The following GMEB1 variants were observed in gnomAD, a reference collection of about 807,000 sequenced individuals.
The protein encoded by GMEB1 is glucocorticoid modulatory element-binding protein 1.
GMEB1 carries 6 observed loss-of-function variants against 52.4 expected under a neutral mutation model. The observed-to-expected ratio is 0.11, with a 90% CI of 0.06 to 0.23. The LOEUF (loss-of-function observed/expected upper bound fraction) is 0.23. Among genes scored for constraint, GMEB1 ranks in the 10% least tolerant of loss-of-function variants. GMEB1 has a pLI of 1.00. For synonymous variants in GMEB1, 255 were observed against 244.9 expected (o/e 1.04, Z -0.38); for missense variants, 486 against 685.6 (o/e 0.71, Z 3.25).
intron 1 of GMEB1, among the ~76,000 whole-genome samples, chr1:28,676,102 T>G (rs1669140844): frequency 6.6e-6 from 1 of 152,150 alleles, no homozygotes; most frequent in Non-Finnish European, 1.5e-5. Context: ...GGTACTAATG[T>G]ATGGTGTGGG....
chr1:28,690,905 GGGAGGT>G (rs1557507470), intron 3 of GMEB1, among the ~76,000 whole-genome samples: 1 of 151,800 alleles, frequency 6.6e-6, no homozygotes, highest in Non-Finnish European at 1.5e-5. Context: ...CCTTGAACCC[GGGAGGT>G]GGAGGTTGCA....
rs746106639 is a variant in GMEB1 at position 28,696,981 on chromosome 1, C to G, written c.495C>G (p.Ser165=). 3 of 1,610,376 alleles carry G rather than the reference C, an allele frequency of 1.9e-6. No homozygotes were observed. In the African/African-American group the frequency reaches 4.0e-5, roughly 22 times the overall value. The change falls in exon 6 of 10, where the codon TCC becomes TCG. Residue 165 remains serine, a synonymous_variant. Transcript: ENST00000373816. ...TTTACCAACATGACAAAGTTTGCTC[C>G]AATACCTGCAGAAGCACCAAATTTG... The part of the protein sequence containing the change: ...IDFYQHDKVC[S]NTCRSTKFDL...
rs1671273915 is a variant in GMEB1 at position 28,716,380 on chromosome 1, G to A, written c.*1607G>A. ...CTTTTTTGGTGGGGCCATTTTTTTGGCTTTGGAACCCAAAGCAGCCACTCA... is the reference window on the plus strand; with the variant it reads ...CTTTTTTGGTGGGGCCATTTTTTTGACTTTGGAACCCAAAGCAGCCACTCA... On this transcript the variant is annotated 3_prime_UTR_variant, in exon 10 of 10. Transcript: ENST00000373816. 1 of 152,100 alleles carries A rather than the reference G, an allele frequency of 6.6e-6. No individual in the cohort carries two copies. The highest frequency in any genetic ancestry group is 1.9e-4 in the East Asian group (1 of 5,174). The allele number at this position is 152,100 out of a possible 1,614,324, so 9.4% of individuals were successfully genotyped here.
chr1:28,714,467 G>T lies in GMEB1; in HGVS notation c.1386G>T (p.Ala462=), dbSNP rs139063921. The change falls in exon 10 of 10, where the codon GCG becomes GCT. Residue 462 remains alanine, a synonymous_variant. Coordinates refer to ENST00000373816, the MANE Select transcript of GMEB1 (RefSeq NM_001319674.2). ...CCATCCACCCTTCATCTAGCTTGGC[G>T]CTGCTGAGCTCTACTGCCATGCAGG... ...TVTIHPSSSL[A]LLSSTAMQDG... The T allele has an allele frequency of 1.2e-6, 2 of 1,614,064 alleles. No individual in the cohort carries two copies. Among genetic ancestry groups the T allele is most frequent in the East Asian group, 2.2e-5 (1 of 44,902 alleles).
At position 28,717,025 on chromosome 1, in the gene GMEB1, AG is replaced by A. The variant is rs1395833383; in HGVS notation, c.*2253del. The stretch of plus-strand genomic sequence containing the variant: ...TATTAAAAACAAAACTTGGACCTGT[AG>A]TTTTTTTTTTTCTTTTTTATTTTTA... On this transcript the variant is annotated 3_prime_UTR_variant, in exon 10 of 10. Transcript: ENST00000373816. 1 of 151,422 alleles carries A rather than the reference AG, an allele frequency of 6.6e-6. No individual in the cohort carries two copies. The highest frequency in any genetic ancestry group is 1.5e-5 in the Non-Finnish European group (1 of 67,864). The allele number at this position is 151,422 out of a possible 1,614,324, so 9.4% of individuals were successfully genotyped here.
rs1395765389 is a variant in GMEB1, at chr1:28,718,038, C to T, written c.*3265C>T. Reference sequence around the variant, plus strand: ...TCATTATTGTTAGATATTATGGCACCTGTTGTTGAATGTAGGTTCCCTTAC... The same window carrying T: ...TCATTATTGTTAGATATTATGGCACTTGTTGTTGAATGTAGGTTCCCTTAC... On this transcript the variant is annotated 3_prime_UTR_variant, in exon 10 of 10. Transcript: ENST00000373816. 1 of 152,116 alleles carries T rather than the reference C, an allele frequency of 6.6e-6. No homozygotes were observed. Among genetic ancestry groups the T allele is most frequent in the African/African-American group, 2.4e-5 (1 of 41,414 alleles). 9.4% of individuals were successfully genotyped at this position (152,116 alleles called of 1,614,324 possible). A position where few individuals can be genotyped will look rare whatever the true frequency, so the allele number is the denominator to read the frequency against.
chr1:28,671,122 T>C (rs1668865649), intron 1 of GMEB1, among the ~76,000 whole-genome samples: 1 of 152,180 alleles, frequency 6.6e-6, no homozygotes, highest in African/African-American at 2.4e-5. Context: ...CCTCATTACA[T>C]CTTGTAGCAC....
intron 1 of GMEB1, among the ~76,000 whole-genome samples, chr1:28,677,958 C>T (rs1002261764): frequency 3.3e-5 from 5 of 151,916 alleles, no homozygotes; most frequent in Non-Finnish European, 5.9e-5. Context: ...CCAAGGCAGG[C>T]GGATCACCTG....
chr1:28,676,724 C>CA (rs756485511), intron 1 of GMEB1, among the ~76,000 whole-genome samples: 52,912 of 144,656 alleles, frequency 0.37, 11,108 homozygotes, highest in East Asian at 0.74. Flanking sequence ...GACTCCGTCT[C>CA]AAAAAAAAAT....
chr1:28,682,263 C>T (rs771975153), intron 1 of GMEB1, among the ~76,000 whole-genome samples: 18 of 151,972 alleles, frequency 1.2e-4, no homozygotes, highest in Non-Finnish European at 2.2e-4. Context: ...ACGTTGGTTT[C>T]CTCACTAACT....
intron 7 of GMEB1, 40 bp downstream of exon 7, chr1:28,702,609 T>G (rs1291839417): frequency 1.9e-6 from 3 of 1,591,018 alleles, no homozygotes; most frequent in Non-Finnish European, 2.6e-6. Context: ...CAGGGTCTTG[T>G]GAGCCTTATC....
At chr1:28,698,376 TA>T (rs879350824) in intron 6 of GMEB1, among the ~76,000 whole-genome samples, 329 of 136,796 alleles carry the variant, frequency 2.4e-3, no homozygotes, top group Middle Eastern at 7.8e-3. Context: ...GACTCCGTCT[TA>T]AAAAAAAAAA....
intron 8 of GMEB1, among the ~76,000 whole-genome samples, chr1:28,706,510 G>A (rs1343645041): frequency 1.3e-5 from 2 of 148,254 alleles, no homozygotes; most frequent in Admixed American, 6.8e-5. Context: ...AGGCTGAGGT[G>A]GGAGAATCGC....
intron 8 of GMEB1, among the ~76,000 whole-genome samples, chr1:28,706,459 C>T (rs184069557): frequency 6.7e-4 from 102 of 151,666 alleles, no homozygotes; most frequent in African/African-American, 2.2e-3. Context: ...CAAAAATCCG[C>T]GAGGCATGAT....
chr1:28,675,405 G>A (rs957813435), intron 1 of GMEB1, among the ~76,000 whole-genome samples: 8 of 151,762 alleles, frequency 5.3e-5, no homozygotes, highest in Non-Finnish European at 8.8e-5. Flanking sequence ...GAGATCGGCC[G>A]GGGTGGCTCA....
At chr1:28,704,628 C>T (rs547934309) in intron 8 of GMEB1, among the ~76,000 whole-genome samples, 5 of 150,208 alleles carry the variant, frequency 3.3e-5, no homozygotes, top group African/African-American at 7.3e-5. Flanking sequence ...TTTTTTGAGA[C>T]GGAGTCTCGC....
At chr1:28,693,518 CTTGT>C (rs901640504) in intron 5 of GMEB1, among the ~76,000 whole-genome samples, 29 of 150,304 alleles carry the variant, frequency 1.9e-4, no homozygotes, top group African/African-American at 6.9e-4. Context: ...CGCCCAGCCT[CTTGT>C]TTGTTTGTTT....
chr1:28,693,007 C>A lies in GMEB1; in HGVS notation c.402C>A (p.Asp134Glu). 6.2e-7 allele frequency: 1 copy of A among 1,608,382 alleles called. No individual in the cohort carries two copies. Among genetic ancestry groups the A allele is most frequent in the Non-Finnish European group, 8.5e-7 (1 of 1,176,160 alleles). The change falls in exon 5 of 10, where the codon GAC (aspartate) becomes GAA (glutamate). Residue 134 changes from aspartate (D) to glutamate (E), a missense_variant. Transcript: ENST00000373816. ...TGGCTGGCAAGTCCACTCTGAAGGACTGGAAGAGAGCTATTCGTCTGGGTG... is the reference window on the plus strand; with the variant it reads ...TGGCTGGCAAGTCCACTCTGAAGGAATGGAAGAGAGCTATTCGTCTGGGTG... ...VHLAGKSTLK[D>E]WKRAIRLGGI...
intron 2 of GMEB1, 23 bp downstream of exon 2, chr1:28,683,763 A>G: frequency 6.2e-7 from 1 of 1,610,284 alleles, no homozygotes; most frequent in Non-Finnish European, 8.5e-7. Flanking sequence ...AGATTTGGGT[A>G]TTCTGAAGTA....
Sources: allele counts gnomAD v4.1 joint callset (sites outside exome capture counted in the v4.1 genomes callset), GRCh38; gene constraint gnomAD v4.1.1; transcripts MANE v1.5; gene names NCBI Gene and HGNC (gene_info 2026-07-23, HGNC 2026-07-21).